PCDHA4: variants seen among roughly 807,000 people sequenced by gnomAD.
PCDHA4 encodes protocadherin alpha-4.
A neutral mutation model predicts 61.4 loss-of-function variants in PCDHA4; 49 were observed. That is an observed-to-expected ratio of 0.80 (90% CI 0.63 to 1.01). The LOEUF (loss-of-function observed/expected upper bound fraction) is 1.01. PCDHA4 is among the 50% of genes least tolerant of loss of function. The pLI is 0.00. For missense variants in PCDHA4, 1,254 were observed against 1,235.8 expected (o/e 1.01, Z -0.22); for synonymous variants, 590 against 550.3 (o/e 1.07, Z -1.01).
Position 140,830,236 on chromosome 5 carries a change from A to G in PCDHA4, c.2385+20664A>G, listed in dbSNP as rs148703931. On this transcript the variant is annotated intron_variant, in intron 1 of 3. Transcript: ENST00000530339. The stretch of plus-strand genomic sequence containing the variant: ...TATCCAGCCTGCTGGTCCTCACGCT[A>G]CTGCTGTACACAGCGCTGCGGTGCT... 2,313 of 1,613,834 alleles carry G rather than the reference A, an allele frequency of 1.4e-3. 31 individuals are homozygous for G. The African/African-American group carries it at 0.027, about 19-fold the overall frequency.
intron 1 of PCDHA4, among the ~76,000 whole-genome samples, chr5:140,914,744 T>C (rs989394283): frequency 6.6e-6 from 1 of 152,280 alleles, no homozygotes; most frequent in Non-Finnish European, 1.5e-5. Context: ...TGTATGTTTT[T>C]CCATTTGAGG....
chr5:140,849,833 C>A, intron 1 of PCDHA4: 1 of 1,598,398 alleles, frequency 6.3e-7, no homozygotes, highest in South Asian at 1.1e-5. Context: ...TGGAGGTGGC[C>A]GACGTGAACG....
intron 1 of PCDHA4, chr5:140,849,050 CAA>C: frequency 6.4e-7 from 1 of 1,560,214 alleles, no homozygotes. Context: ...TGCCAACCAG[CAA>C]CCAGCAGGTA....
chr5:140,939,510 A>G (rs2092401222), intron 1 of PCDHA4, among the ~76,000 whole-genome samples: 1 of 150,724 alleles, frequency 6.6e-6, no homozygotes, highest in Admixed American at 6.6e-5. Flanking sequence ...TGTCTATAAC[A>G]TTAATAGTTA....
chr5:140,950,028 A>G (rs1288516742), intron 1 of PCDHA4, among the ~76,000 whole-genome samples: 6 of 151,954 alleles, frequency 3.9e-5, no homozygotes, highest in Non-Finnish European at 8.8e-5. Flanking sequence ...TAAAATATAG[A>G]AAAGTTACAA....
intron 1 of PCDHA4, among the ~76,000 whole-genome samples, chr5:140,889,913 T>C (rs1287325026): frequency 6.6e-6 from 1 of 152,172 alleles, no homozygotes; most frequent in Admixed American, 6.5e-5. Context: ...ATTGTCATAC[T>C]GTAAAGAAGC....
intron 1 of PCDHA4, among the ~76,000 whole-genome samples, chr5:140,894,197 A>G (rs1378272032): frequency 6.6e-6 from 1 of 152,008 alleles, no homozygotes; most frequent in Admixed American, 6.6e-5. Context: ...TATTTTTTCT[A>G]TGCTATTATA....
rs2150464211 is a variant in PCDHA4 at position 140,850,028 on chromosome 5, C to T, written c.2385+40456C>T. 1.0e-5 allele frequency: 16 copies of T among 1,596,676 alleles called. 1 individual carries two copies. Among genetic ancestry groups the T allele is most frequent in the East Asian group, 2.2e-5 (1 of 44,848 alleles). On this transcript the variant is annotated intron_variant, in intron 1 of 3. Coordinates refer to ENST00000530339, the MANE Select transcript of PCDHA4 (RefSeq NM_018907.4). The stretch of plus-strand genomic sequence containing the variant: ...CGCTGTCGAGCTACGTGTCAGTGCA[C>T]GCGGAGAGCGGCAAGGTGTACGCGC...
chr5:140,956,177 A>G (rs1261759530), intron 1 of PCDHA4, among the ~76,000 whole-genome samples: 6 of 152,192 alleles, frequency 3.9e-5, no homozygotes, highest in Non-Finnish European at 8.8e-5. Flanking sequence ...AGAACTTCCA[A>G]TACTATGCTG....
chr5:140,856,752 A>G lies in PCDHA4; in HGVS notation c.2385+47180A>G, dbSNP rs201595428. The G allele has an allele frequency of 2.2e-5, 35 of 1,596,730 alleles. 5 individuals carry two copies. Among genetic ancestry groups the G allele is most frequent in the Non-Finnish European group, 3.4e-6 (4 of 1,166,694 alleles). On this transcript the variant is annotated intron_variant, in intron 1 of 3. Transcript: ENST00000530339. ...CTGCTGATCCTGGTGTTAGATGCCA[A>G]TGATAACGCCCCTATCTTTGACAGA...
In PCDHA4 at chr5:140,869,658, T is replaced by C. The variant is rs370211026; in HGVS notation, c.2385+60086T>C. 1.2e-5 allele frequency: 19 copies of C among 1,613,432 alleles called. No homozygotes were observed. The African/African-American group carries it at 2.1e-4, about 18-fold the overall frequency. ...ATTTTTCTTTAGATTCACCAACAAATGGTAAGCAGATTAAAAGACTGTCAC... is the reference window on the plus strand; with the variant it reads ...ATTTTTCTTTAGATTCACCAACAAACGGTAAGCAGATTAAAAGACTGTCAC... On this transcript the variant is annotated intron_variant, in intron 1 of 3. Coordinates refer to ENST00000530339, the MANE Select transcript of PCDHA4 (RefSeq NM_018907.4).
chr5:140,871,247 T>C (rs1340682715), intron 1 of PCDHA4: 1 of 1,613,990 alleles, frequency 6.2e-7, no homozygotes, highest in Non-Finnish European at 8.5e-7. Context: ...CTCACGCTGC[T>C]GCTGTATACG....
intron 1 of PCDHA4, chr5:140,847,658 T>C (rs1554141863): frequency 6.7e-6 from 1 of 149,650 alleles, no homozygotes; most frequent in East Asian, 1.9e-4. Context: ...TATTCATAGA[T>C]TATAAAGCTT....
At chr5:140,841,453 C>A (rs2150315811) in intron 1 of PCDHA4, 1 of 1,612,918 alleles carries the variant, frequency 6.2e-7, no homozygotes, top group South Asian at 1.1e-5. Flanking sequence ...ACGGCACCTT[C>A]GTGGGCCGGA....
chr5:140,970,873 A>G (rs138100298), intron 1 of PCDHA4, among the ~76,000 whole-genome samples: 80 of 152,316 alleles, frequency 5.3e-4, no homozygotes, highest in African/African-American at 1.8e-3. Context: ...GATTGAGAGT[A>G]GATTTTTCTC....
intron 1 of PCDHA4, chr5:140,861,242 A>T (rs1554154320): frequency 6.0e-6 from 1 of 165,896 alleles, no homozygotes; most frequent in African/African-American, 2.4e-5. Context: ...TGCTAGACAA[A>T]GTGGCCAGGA....
intron 3 of PCDHA4, among the ~76,000 whole-genome samples, chr5:140,999,230 G>A (rs2097851745): frequency 6.6e-6 from 1 of 152,194 alleles, no homozygotes; most frequent in Non-Finnish European, 1.5e-5. Flanking sequence ...TTTGAGAATA[G>A]GTGGTTAAAG....
intron 1 of PCDHA4, chr5:140,883,969 G>T (rs1398092888): frequency 5.6e-6 from 9 of 1,612,844 alleles, no homozygotes; most frequent in Non-Finnish European, 7.6e-6. Flanking sequence ...CGCTGCTGAC[G>T]CCCGGGGCTG....
intron 1 of PCDHA4, among the ~76,000 whole-genome samples, chr5:140,891,388 C>A (rs2063075244): frequency 6.6e-6 from 1 of 151,946 alleles, no homozygotes; most frequent in South Asian, 2.1e-4. Flanking sequence ...TATTTGCAAT[C>A]TTTTATCCCT....
Sources: gnomAD v4.1 joint callset for allele counts (sites outside exome capture counted in the v4.1 genomes callset) on GRCh38, gnomAD v4.1.1 for gene constraint, MANE v1.5 for transcripts, NCBI Gene and HGNC (gene_info 2026-07-23, HGNC 2026-07-21) for gene names.